SDCCAG8: variants seen among roughly 807,000 people sequenced by gnomAD.
The protein encoded by SDCCAG8 is SHH signaling and ciliogenesis regulator SDCCAG8, also known as serologically defined colon cancer antigen 8.
A neutral mutation model predicts 101.8 loss-of-function variants in SDCCAG8; 74 were observed. The ratio of observed to expected loss-of-function variants is 0.73; its 90% CI spans 0.60 to 0.88. SDCCAG8 has a LOEUF of 0.88. Among genes scored for constraint, SDCCAG8 ranks in the 40% least tolerant of loss-of-function variants. SDCCAG8 has a pLI of 0.00. For missense variants in SDCCAG8, 787 were observed against 822.6 expected (o/e 0.96, Z 0.53); for synonymous variants, 281 against 292.9 (o/e 0.96, Z 0.41).
intron 16 of SDCCAG8, among the ~76,000 whole-genome samples, chr1:243,437,977 C>T (rs747911332): frequency 1.1e-4 from 16 of 152,324 alleles, no homozygotes; most frequent in Non-Finnish European, 1.8e-4. Context: ...GCTTTTGCCT[C>T]TCACCTTCTC....
chr1:243,375,748 T>C (rs1479394546), intron 12 of SDCCAG8, among the ~76,000 whole-genome samples: 5 of 152,128 alleles, frequency 3.3e-5, no homozygotes, highest in African/African-American at 9.7e-5. Context: ...CAAGCTACTA[T>C]ATACAGCCAG....
chr1:243,271,537 TTTAA>T (rs982540285), intron 3 of SDCCAG8, among the ~76,000 whole-genome samples: 14 of 151,970 alleles, frequency 9.2e-5, no homozygotes, highest in African/African-American at 2.4e-4. Context: ...ACATTTTATT[TTTAA>T]TTAATTAATT....
chr1:243,499,700 C>T (rs368579841), intron 17 of SDCCAG8, 56 bp from the exon 18 acceptor site: 9 of 1,368,710 alleles, frequency 6.6e-6, no homozygotes, highest in Non-Finnish European at 7.3e-6. Flanking sequence ...AATGAGAAGA[C>T]AAATAACATT....
At chr1:243,462,647 T>C (rs1392826412) in intron 16 of SDCCAG8, among the ~76,000 whole-genome samples, 2 of 48,236 alleles carry the variant, frequency 4.1e-5, no homozygotes, top group Non-Finnish European at 1.0e-4. Context: ...ATTTACATTG[T>C]ATTTTTTTCA....
chr1:243,473,919 C>G (rs1370802769), intron 16 of SDCCAG8, among the ~76,000 whole-genome samples: 20 of 3,430 alleles, frequency 5.8e-3, no homozygotes, highest in Admixed American at 0.032. Context: ...GGAGAGTTGC[C>G]GGCGGGGGGG....
At chr1:243,452,260 A>G (rs932580016) in intron 16 of SDCCAG8, among the ~76,000 whole-genome samples, 25 of 152,164 alleles carry the variant, frequency 1.6e-4, no homozygotes, top group African/African-American at 4.3e-4. Flanking sequence ...GTTGTGTAAA[A>G]GGAAATGCAA....
At chr1:243,407,037 G>A (rs2079834203) in intron 13 of SDCCAG8, among the ~76,000 whole-genome samples, 1 of 151,936 alleles carries the variant, frequency 6.6e-6, no homozygotes, top group Admixed American at 6.6e-5. Context: ...TGTACCATGA[G>A]TTGTTTTTTT....
In SDCCAG8 at chr1:243,426,573, A is replaced by C. The variant is rs752697949; in HGVS notation, c.1985+15A>C. On this transcript the variant is annotated intron_variant, in intron 16 of 17. Transcript: ENST00000366541. ...ATGAAGCAAAGGTAATCAAGGTTTCATGTCAACTCATGTGCCGCATATTGA... is the reference window on the plus strand; with the variant it reads ...ATGAAGCAAAGGTAATCAAGGTTTCCTGTCAACTCATGTGCCGCATATTGA... 16 of 1,613,874 alleles carry C rather than the reference A, an allele frequency of 9.9e-6. No homozygotes were observed. The East Asian group carries it at 2.7e-4, about 27-fold the overall frequency.
intron 16 of SDCCAG8, among the ~76,000 whole-genome samples, chr1:243,443,917 C>G (rs1465873276): frequency 6.6e-6 from 1 of 151,884 alleles, no homozygotes; most frequent in East Asian, 1.9e-4. Flanking sequence ...GTGGATAACA[C>G]ATTAATTTTT....
Position 243,341,090 on chromosome 1 carries a change from G to T in SDCCAG8, c.1273G>T (p.Val425Phe), listed in dbSNP as rs370072966. The stretch of plus-strand genomic sequence containing the variant: ...CCAACTGGAGGCCCAGGTGGAAAAG[G>T]TTACAAAGGAAAAGATTTCAGCTAT... ...IAQLEAQVEK[V>F]TKEKISAINQ... Residue 425 changes from valine (V) to phenylalanine (F), a missense_variant, in exon 11 of 18, where the codon GTT (valine) becomes TTT (phenylalanine). By Grantham distance (50) the Val-to-Phe change is conservative. Transcript: ENST00000366541. 1.1e-5 allele frequency: 18 copies of T among 1,613,918 alleles called. No individual in the cohort carries two copies. In the Admixed American group the frequency reaches 2.2e-4, roughly 19 times the overall value.
chr1:243,462,123 A>C (rs1659235955), intron 16 of SDCCAG8, among the ~76,000 whole-genome samples: 1 of 152,146 alleles, frequency 6.6e-6, no homozygotes, highest in Non-Finnish European at 1.5e-5. Flanking sequence ...TGTAGCACAG[A>C]GGGAATGAAG....
intron 16 of SDCCAG8, chr1:243,476,218 T>A (rs1281398791): frequency 1.0e-6 from 1 of 985,384 alleles, no homozygotes; most frequent in Admixed American, 6.1e-5. Flanking sequence ...TGGGGTTCTT[T>A]GACAAGGGTC....
chr1:243,368,245 A>C (rs901210165), intron 12 of SDCCAG8, among the ~76,000 whole-genome samples: 3 of 151,760 alleles, frequency 2.0e-5, no homozygotes, highest in Non-Finnish European at 4.4e-5. Flanking sequence ...AGAAAAGAAA[A>C]GAAGGGCCAA....
chr1:243,312,100 C>T (rs1325070937), intron 8 of SDCCAG8, among the ~76,000 whole-genome samples: 1 of 152,128 alleles, frequency 6.6e-6, no homozygotes, highest in Non-Finnish European at 1.5e-5. Flanking sequence ...TCAATGAATT[C>T]TTCTTCTGTA....
intron 12 of SDCCAG8, among the ~76,000 whole-genome samples, chr1:243,351,724 G>C (rs781777379): frequency 6.6e-6 from 1 of 152,176 alleles, no homozygotes; most frequent in Non-Finnish European, 1.5e-5. Flanking sequence ...AATGGGACAA[G>C]TAGGATTTAT....
At chr1:243,286,241 T>C in intron 4 of SDCCAG8, 31 bp from the exon 5 acceptor site, 1 of 1,606,644 alleles carries the variant, frequency 6.2e-7, no homozygotes. Flanking sequence ...TGCTTAATAA[T>C]GCTTAATGTG....
rs150057688 is a variant in SDCCAG8, at chr1:243,461,849, C to T, written c.1986-27165C>T. The stretch of plus-strand genomic sequence containing the variant: ...CTAAGAAGATTCACCTCCACCTGGC[C>T]CACAGCCCTCACACACATATTTACT... On this transcript the variant is annotated intron_variant, in intron 16 of 17. Coordinates refer to ENST00000366541, the MANE Select transcript of SDCCAG8 (RefSeq NM_006642.5). Among the ~76,000 whole-genome samples, 52 of 152,212 alleles carry T rather than the reference C, an allele frequency of 3.4e-4. No homozygotes were observed. The East Asian group carries it at 9.7e-3, about 28-fold the overall frequency.
chr1:243,355,541 G>A (rs370389365), intron 12 of SDCCAG8, among the ~76,000 whole-genome samples: 39 of 152,282 alleles, frequency 2.6e-4, no homozygotes, highest in African/African-American at 8.9e-4. Flanking sequence ...AGAAAGAATC[G>A]TTCTACTCGA....
intron 12 of SDCCAG8, among the ~76,000 whole-genome samples, chr1:243,367,781 A>G (rs984014597): frequency 2.0e-5 from 3 of 149,620 alleles, no homozygotes; most frequent in African/African-American, 7.3e-5. Flanking sequence ...CTTAAAATAG[A>G]TGTATATATC....
Sources: allele counts gnomAD v4.1 joint callset (sites outside exome capture counted in the v4.1 genomes callset), GRCh38; gene constraint gnomAD v4.1.1; transcripts MANE v1.5; gene names NCBI Gene and HGNC (gene_info 2026-07-23, HGNC 2026-07-21).